Variants in UGT1A8 observed in about 807,000 individuals in gnomAD.
UGT1A8 encodes UDP-glucuronosyltransferase 1A8.
Under a neutral mutation model 45.3 loss-of-function variants are expected in UGT1A8, and 39 were observed. That is an observed-to-expected ratio of 0.86 (90% CI 0.67 to 1.12). The LOEUF is 1.12. Ranked by LOEUF, UGT1A8 falls within the 50% of genes most tolerant of loss-of-function variation. The pLI, the probability that UGT1A8 is intolerant of heterozygous loss-of-function variation, is 0.00. For missense variants in UGT1A8, 719 were observed against 664.9 expected (o/e 1.08, Z -0.90); for synonymous variants, 275 against 249.2 (o/e 1.10, Z -0.97).
chr2:233,700,326 C>T (rs1196966408), intron 1 of UGT1A8, among the ~76,000 whole-genome samples: 1 of 152,172 alleles, frequency 6.6e-6, no homozygotes, highest in Non-Finnish European at 1.5e-5. Flanking sequence ...AAAATTCTGC[C>T]TCTCTTTCAA....
At position 233,772,524 on chromosome 2, in the gene UGT1A8, CG is replaced by C. The variant is rs1700532996; in HGVS notation, c.1559del (p.Arg520GlnfsTer22). On this transcript the variant is annotated frameshift_variant, in exon 5 of 5. Transcript: ENST00000373450. LOFTEE classifies it high-confidence loss of function. The part of the protein sequence containing the change: ...GYRKCLGKKG[R>X]VKKAHKSKTH Reference sequence around the variant, plus strand: ...CCGGAAATGCTTGGGGAAAAAAGGGCGAGTTAAGAAAGCCCACAAATCCAAG... The same window carrying C: ...CCGGAAATGCTTGGGGAAAAAAGGGCAGTTAAGAAAGCCCACAAATCCAAG... 6.2e-7 allele frequency: 1 copy of C among 1,613,838 alleles called. No homozygotes were observed. The highest frequency in any genetic ancestry group is 1.3e-5 in the African/African-American group (1 of 74,832).
At position 233,723,536 on chromosome 2, in the gene UGT1A8, T is replaced by TTTA. The variant is rs1553611580; in HGVS notation, c.856-43498_856-43497insTTA. Among the ~76,000 whole-genome samples, 173 of 121,466 alleles carry TTTA rather than the reference T, an allele frequency of 1.4e-3. 3 individuals carry two copies. Among genetic ancestry groups the TTTA allele is most frequent in the African/African-American group, 3.3e-3 (98 of 29,940 alleles). 79.7% of individuals were successfully genotyped at this position (121,466 alleles called of 152,430 possible). A position where few individuals can be genotyped will look rare whatever the true frequency, so the allele number is the denominator to read the frequency against. On this transcript the variant is annotated intron_variant, in intron 1 of 4. Transcript: ENST00000373450. Reference sequence around the variant, plus strand: ...ACAATCTTTTTTTTTTTTTTTTTTTTAATTTATTTTTTTATTGATAATTCT... The same window carrying TTTA: ...ACAATCTTTTTTTTTTTTTTTTTTTTTTAAATTTATTTTTTTATTGATAATTCT...
intron 1 of UGT1A8, chr2:233,761,181 G>A (rs539737168): frequency 1.9e-5 from 31 of 1,614,124 alleles, no homozygotes; most frequent in East Asian, 2.2e-5. Flanking sequence ...TTTTACATGC[G>A]TATATTCTTT....
intron 1 of UGT1A8, among the ~76,000 whole-genome samples, chr2:233,633,243 G>A (rs987272800): frequency 1.3e-5 from 2 of 152,180 alleles, no homozygotes; most frequent in African/African-American, 4.8e-5. Context: ...TGCCATCGAT[G>A]TTCATCAGAG....
At chr2:233,618,776 G>T (rs369089554) in intron 1 of UGT1A8, among the ~76,000 whole-genome samples, 2 of 151,992 alleles carry the variant, frequency 1.3e-5, no homozygotes, top group East Asian at 1.9e-4. Flanking sequence ...TTTAAAAATT[G>T]TAGATCGTAT....
intron 1 of UGT1A8, among the ~76,000 whole-genome samples, chr2:233,726,630 ATC>A (rs1038498407): frequency 3.9e-5 from 6 of 152,270 alleles, no homozygotes; most frequent in African/African-American, 1.2e-4. Context: ...ACCCAGGACA[ATC>A]TCCCCATCTT....
intron 1 of UGT1A8, chr2:233,636,654 G>T (rs1425336962): frequency 6.2e-7 from 1 of 1,614,162 alleles, no homozygotes; most frequent in Non-Finnish European, 8.5e-7. Flanking sequence ...TGCAGTCGGT[G>T]GTGGAGAAAC....
intron 1 of UGT1A8, among the ~76,000 whole-genome samples, chr2:233,626,852 C>G (rs2073092812): frequency 6.6e-6 from 1 of 151,994 alleles, no homozygotes; most frequent in Non-Finnish European, 1.5e-5. Context: ...CTAGCATTGT[C>G]CAATATCAAA....
chr2:233,735,427 T>C (rs2078650919), intron 1 of UGT1A8, among the ~76,000 whole-genome samples: 1 of 152,212 alleles, frequency 6.6e-6, no homozygotes, highest in Non-Finnish European at 1.5e-5. Context: ...ATAGGCCTCC[T>C]GAATACAGCA....
At chr2:233,643,320 C>G (rs1553601140) in intron 1 of UGT1A8, among the ~76,000 whole-genome samples, 1 of 152,126 alleles carries the variant, frequency 6.6e-6, no homozygotes, top group Non-Finnish European at 1.5e-5. Context: ...GGAGCCTCAC[C>G]TTGTAGCCAC....
intron 1 of UGT1A8, among the ~76,000 whole-genome samples, chr2:233,716,383 A>G (rs2076502558): frequency 6.6e-6 from 1 of 152,184 alleles, no homozygotes; most frequent in African/African-American, 2.4e-5. Flanking sequence ...TCTGCCTACC[A>G]CAGACACTAA....
chr2:233,663,621 G>A (rs2074016834), intron 1 of UGT1A8, among the ~76,000 whole-genome samples: 1 of 152,160 alleles, frequency 6.6e-6, no homozygotes, highest in Non-Finnish European at 1.5e-5. Flanking sequence ...TGTGGCTAAT[G>A]CTAGTCCTAC....
In UGT1A8 at chr2:233,621,136, C is replaced by T. The variant is rs552232409; in HGVS notation, c.855+2574C>T. On this transcript the variant is annotated intron_variant, in intron 1 of 4. Coordinates refer to ENST00000373450, the MANE Select transcript of UGT1A8 (RefSeq NM_019076.5). ...AGATGGCAGATGGCCCCATCTCCAA[C>T]GTCAGGGATCAAATTTCAACGTGAG... Among the ~76,000 whole-genome samples, 14 of 152,256 alleles carry T rather than the reference C, an allele frequency of 9.2e-5. No homozygotes were observed. In the South Asian group the frequency reaches 1.7e-3, roughly 18 times the overall value.
chr2:233,760,737 G>A (rs561827445), intron 1 of UGT1A8: 10 of 1,614,138 alleles, frequency 6.2e-6, no homozygotes, highest in South Asian at 4.4e-5. Context: ...TCATGCTGAC[G>A]GACCCTTTCC....
chr2:233,719,636 C>G (rs1397748790), intron 1 of UGT1A8: 2 of 1,614,094 alleles, frequency 1.2e-6, no homozygotes, highest in Non-Finnish European at 1.7e-6. Context: ...TCATGCCCAA[C>G]ATGGTCTTCA....
intron 1 of UGT1A8, chr2:233,747,078 A>G (rs1246065129): frequency 1.2e-5 from 13 of 1,085,828 alleles, no homozygotes; most frequent in Admixed American, 7.9e-5. Context: ...ATAATTAACT[A>G]GGAGGAGAGC....
chr2:233,768,128 C>A, intron 3 of UGT1A8, 92 bp from the exon 4 acceptor site: 1 of 1,605,472 alleles, frequency 6.2e-7, no homozygotes, highest in Non-Finnish European at 8.5e-7. Context: ...GTGAGTAACA[C>A]TGAGTCTTTG....
intron 1 of UGT1A8, among the ~76,000 whole-genome samples, chr2:233,739,652 T>C: frequency 6.6e-6 from 1 of 152,236 alleles, no homozygotes; most frequent in African/African-American, 2.4e-5. Context: ...CCAATTTCTG[T>C]ACCCCCATTG....
rs771015573 is a variant in UGT1A8 at position 233,755,062 on chromosome 2, C to T, written c.856-11972C>T. On this transcript the variant is annotated intron_variant, in intron 1 of 4. Coordinates refer to ENST00000373450, the MANE Select transcript of UGT1A8 (RefSeq NM_019076.5). ...GCGCAGCCGCCCTCCGCCCTCGCCT[C>T]GCCATAGCGGTCATAGATATCGCGT... 7 of 1,335,332 alleles carry T rather than the reference C, an allele frequency of 5.2e-6. No individual in the cohort carries two copies. In the African/African-American group the frequency reaches 6.0e-5, roughly 11 times the overall value. 82.7% of individuals were successfully genotyped at this position (1,335,332 alleles called of 1,614,324 possible). A position where few individuals can be genotyped will look rare whatever the true frequency, so the allele number is the denominator to read the frequency against.
Sources: allele counts gnomAD v4.1 joint callset (sites outside exome capture counted in the v4.1 genomes callset), GRCh38; gene constraint gnomAD v4.1.1; transcripts MANE v1.5; gene names NCBI Gene and HGNC (gene_info 2026-07-23, HGNC 2026-07-21).